The following TSPAN15 variants were observed in gnomAD, a reference collection of about 807,000 sequenced individuals.
The protein encoded by TSPAN15 is tetraspanin-15.
A neutral mutation model predicts 34.5 loss-of-function variants in TSPAN15; 20 were observed. The ratio of observed to expected loss-of-function variants is 0.58; its 90% CI spans 0.41 to 0.84. The LOEUF (loss-of-function observed/expected upper bound fraction) is 0.84, where lower values mean the gene tolerates loss of function less well. Among genes scored for constraint, TSPAN15 ranks in the 40% least tolerant of loss-of-function variants. The pLI is 0.00. For synonymous variants in TSPAN15, 155 were observed against 153.9 expected (o/e 1.01, Z -0.05); for missense variants, 313 against 386.1 (o/e 0.81, Z 1.59).
chr10:69,452,738 T>C (rs562090917), intron 1 of TSPAN15, among the ~76,000 whole-genome samples: 35 of 152,284 alleles, frequency 2.3e-4, no homozygotes, highest in African/African-American at 8.4e-4. Flanking sequence ...ATAGGCCAGC[T>C]CCGCCCCTGT....
intron 3 of TSPAN15, among the ~76,000 whole-genome samples, chr10:69,492,694 C>T (rs1471834196): frequency 6.6e-6 from 1 of 152,142 alleles, no homozygotes; most frequent in Non-Finnish European, 1.5e-5. Flanking sequence ...TGGGGCTGCT[C>T]ACCAGAGAGG....
chr10:69,467,621 C>T (rs1731505927), intron 1 of TSPAN15, among the ~76,000 whole-genome samples: 1 of 140,654 alleles, frequency 7.1e-6, no homozygotes, highest in African/African-American at 2.7e-5. Context: ...CTCCTCTAAA[C>T]AAAACAAAAC....
Position 69,485,031 on chromosome 10 carries a change from C to T in TSPAN15, c.283-110C>T, listed in dbSNP as rs7095663. 2,606 of 1,071,314 alleles carry T rather than the reference C, an allele frequency of 2.4e-3. 48 individuals carry two copies. In the African/African-American group the frequency reaches 0.035, roughly 14 times the overall value. The allele number at this position is 1,071,314 out of a possible 1,614,324, so 66.4% of individuals were successfully genotyped here. A position where few individuals can be genotyped will look rare whatever the true frequency, so the allele number is the denominator to read the frequency against. On this transcript the variant is annotated intron_variant, in intron 2 of 7. Transcript: ENST00000373290. ...AGGCCTAGGAGCTGGTAGGAGCTCCCCGAGGGATGCTTCTCTTTGTGCTTG... is the reference window on the plus strand; with the variant it reads ...AGGCCTAGGAGCTGGTAGGAGCTCCTCGAGGGATGCTTCTCTTTGTGCTTG...
In TSPAN15 at chr10:69,506,863, C is replaced by A; in HGVS notation, c.770C>A (p.Thr257Asn). The change falls in exon 8 of 8, where the codon ACC becomes AAC. Residue 257 changes from threonine (T) to asparagine (N), a missense_variant. By Grantham distance (65) the Thr-to-Asn change is moderately conservative. Coordinates refer to ENST00000373290, the MANE Select transcript of TSPAN15 (RefSeq NM_012339.5). The surrounding 1 kb of genome is among the most constrained non-coding windows in gnomAD (Gnocchi z 4.7). Reference protein sequence around the residue: ...LGVLLTLLYITRVEDIIMEHS... With the variant: ...LGVLLTLLYINRVEDIIMEHS... ...GTGCTGCTGACGCTGCTGTACATCA[C>A]CCGGGTGGAGGACATCATCATGGAG... is the stretch of plus-strand genomic sequence containing the variant. 1 of 1,598,056 alleles carries A rather than the reference C, an allele frequency of 6.3e-7. No individual in the cohort carries two copies. The highest frequency in any genetic ancestry group is 8.5e-7 in the Non-Finnish European group (1 of 1,172,840).
the TSPAN15 span, among the ~76,000 whole-genome samples, chr10:69,520,957 AG>A: frequency 1.3e-5 from 2 of 150,284 alleles, no homozygotes; most frequent in South Asian, 2.1e-4. Context: ...TAAGAATTCC[AG>A]TTTCTCCACA....
At chr10:69,518,966 C>T in the TSPAN15 span, among the ~76,000 whole-genome samples, 1 of 152,158 alleles carries the variant, frequency 6.6e-6, no homozygotes, top group East Asian at 1.9e-4. Flanking sequence ...GAGACGGTCA[C>T]GAGGGTGTCT....
In TSPAN15 at chr10:69,506,352, T is replaced by G; in HGVS notation, c.735+112T>G. 9.9e-7 allele frequency: 1 copy of G among 1,007,950 alleles called. No homozygotes were observed. The allele number at this position is 1,007,950 out of a possible 1,614,324, so 62.4% of individuals were successfully genotyped here. On this transcript the variant is annotated intron_variant, in intron 7 of 7. Transcript: ENST00000373290. The surrounding 1 kb of genome is among the most constrained non-coding windows in gnomAD (Gnocchi z 4.7). The stretch of plus-strand genomic sequence containing the variant: ...TTTTCATAGAAGTCCAGGACTTGCC[T>G]GGGGAGGGCTGCATGGCTGGAAGGA...
the TSPAN15 span, among the ~76,000 whole-genome samples, chr10:69,534,966 C>T: frequency 1.3e-5 from 2 of 152,136 alleles, no homozygotes; most frequent in Non-Finnish European, 2.9e-5. Context: ...GGTTGGGTGA[C>T]AGGGTGAGAT....
In TSPAN15 at chr10:69,507,442, A is replaced by G; in HGVS notation, c.*464A>G. The G allele has an allele frequency of 7.7e-7, 1 of 1,292,720 alleles. No individual in the cohort carries two copies. Among genetic ancestry groups the G allele is most frequent in the Non-Finnish European group, 1.0e-6 (1 of 985,680 alleles). The allele number at this position is 1,292,720 out of a possible 1,614,324, so 80.1% of individuals were successfully genotyped here. A position where few individuals can be genotyped will look rare whatever the true frequency, so the allele number is the denominator to read the frequency against. On this transcript the variant is annotated 3_prime_UTR_variant, in exon 8 of 8. Coordinates refer to ENST00000373290, the MANE Select transcript of TSPAN15 (RefSeq NM_012339.5). ...TGTCCATGCAGCCACGCCCATGGCC[A>G]GGTTGGCCTCTTCTCAGCCTCCCAG...
chr10:69,489,939 CT>C (rs1841934028), intron 3 of TSPAN15, among the ~76,000 whole-genome samples: 1 of 152,214 alleles, frequency 6.6e-6, no homozygotes, highest in Admixed American at 6.5e-5. Flanking sequence ...TGTTCTGGGG[CT>C]TCTTGTGAGG....
chr10:69,488,726 A>G (rs1841908264), intron 3 of TSPAN15, among the ~76,000 whole-genome samples: 1 of 152,208 alleles, frequency 6.6e-6, no homozygotes, highest in Non-Finnish European at 1.5e-5. Context: ...GGGGTGCAAG[A>G]ACAGGGAGTA....
At chr10:69,457,621 T>C (rs1281275699) in intron 1 of TSPAN15, among the ~76,000 whole-genome samples, 2 of 152,190 alleles carry the variant, frequency 1.3e-5, no homozygotes, top group Admixed American at 6.5e-5. Flanking sequence ...CTGGGCTTTC[T>C]CCAAGGATGA....
the TSPAN15 span, among the ~76,000 whole-genome samples, chr10:69,515,462 C>T: frequency 4.6e-5 from 7 of 152,224 alleles, no homozygotes; most frequent in Non-Finnish European, 8.8e-5. Flanking sequence ...CTTCCCATCT[C>T]CTCTGAGGCT....
chr10:69,462,293 G>A (rs1841285698), intron 1 of TSPAN15, among the ~76,000 whole-genome samples: 1 of 149,678 alleles, frequency 6.7e-6, no homozygotes. Flanking sequence ...GAGCCACCGT[G>A]CCTAGCTTTA....
chr10:69,478,413 C>T (rs575997888), intron 1 of TSPAN15, among the ~76,000 whole-genome samples: 24 of 152,288 alleles, frequency 1.6e-4, no homozygotes, highest in African/African-American at 5.5e-4. Flanking sequence ...GAGCCCTGGA[C>T]CTCAAATACT....
At chr10:69,462,396 G>A (rs1240003549) in intron 1 of TSPAN15, among the ~76,000 whole-genome samples, 2 of 151,752 alleles carry the variant, frequency 1.3e-5, no homozygotes, top group Non-Finnish European at 2.9e-5. Flanking sequence ...GTGCAGTGGC[G>A]TGATCTCGGC....
chr10:69,458,575 A>G (rs1168956558), intron 1 of TSPAN15, among the ~76,000 whole-genome samples: 1 of 152,218 alleles, frequency 6.6e-6, no homozygotes, highest in African/African-American at 2.4e-5. Context: ...GGCAGCCTTC[A>G]TATTGGAGAA....
intron 1 of TSPAN15, among the ~76,000 whole-genome samples, chr10:69,462,908 G>A (rs1007941415): frequency 1.3e-5 from 2 of 152,216 alleles, no homozygotes; most frequent in African/African-American, 2.4e-5. Flanking sequence ...AGAAGTGCAG[G>A]GGGAGTCAGT....
chr10:69,503,448 G>A (rs1653913680), intron 5 of TSPAN15, among the ~76,000 whole-genome samples: 1 of 152,188 alleles, frequency 6.6e-6, no homozygotes, highest in African/African-American at 2.4e-5. Flanking sequence ...GGTGGGTTCT[G>A]TGATCATCAC....
Sources: gnomAD v4.1 joint callset for allele counts (sites outside exome capture counted in the v4.1 genomes callset) on GRCh38, gnomAD v4.1.1 for gene constraint, Gnocchi (gnomAD v3.1) non-coding constraint, MANE v1.5 for transcripts, NCBI Gene and HGNC (gene_info 2026-07-23, HGNC 2026-07-21) for gene names.